The following DYNC1I1 variants were observed in gnomAD, a reference collection of about 807,000 sequenced individuals.
DYNC1I1 encodes the protein cytoplasmic dynein 1 intermediate chain 1.
Under a neutral mutation model 86.6 loss-of-function variants are expected in DYNC1I1, and 43 were observed. The ratio of observed to expected loss-of-function variants is 0.50; its 90% CI spans 0.39 to 0.64. DYNC1I1 has a LOEUF of 0.64. Among genes scored for constraint, DYNC1I1 ranks in the 30% least tolerant of loss-of-function variants. The pLI is 0.00. For missense variants in DYNC1I1, 604 were observed against 788.8 expected (o/e 0.77, Z 2.81); for synonymous variants, 262 against 283.7 (o/e 0.92, Z 0.77).
At chr7:95,871,981 C>T (rs960241998) in intron 6 of DYNC1I1, among the ~76,000 whole-genome samples, 4 of 152,214 alleles carry the variant, frequency 2.6e-5, no homozygotes, top group Admixed American at 2.6e-4. Context: ...GACAGAAAAA[C>T]CTTTCAATTT....
At chr7:95,961,746 T>C (rs886576492) in intron 6 of DYNC1I1, among the ~76,000 whole-genome samples, 2 of 152,260 alleles carry the variant, frequency 1.3e-5, no homozygotes, top group African/African-American at 2.4e-5. Context: ...GACTGCATTA[T>C]GGCCAGGGCT....
At chr7:95,923,552 A>G (rs754396584) in intron 6 of DYNC1I1, among the ~76,000 whole-genome samples, 36 of 152,122 alleles carry the variant, frequency 2.4e-4, no homozygotes, top group African/African-American at 5.8e-4. Flanking sequence ...GTAAGGTACT[A>G]TCCACACGCA....
chr7:95,913,904 C>T (rs1174539639), intron 6 of DYNC1I1, among the ~76,000 whole-genome samples: 1 of 152,218 alleles, frequency 6.6e-6, no homozygotes, highest in East Asian at 1.9e-4. Context: ...GCCCCATCCT[C>T]ATCCCAGGGC....
At chr7:95,925,458 A>G (rs1332559402) in intron 6 of DYNC1I1, among the ~76,000 whole-genome samples, 1 of 152,168 alleles carries the variant, frequency 6.6e-6, no homozygotes, top group Non-Finnish European at 1.5e-5. Context: ...ATGGACTAAT[A>G]CACATTATCC....
intron 16 of DYNC1I1, among the ~76,000 whole-genome samples, chr7:96,082,465 A>G (rs1238005472): frequency 6.6e-6 from 1 of 152,186 alleles, no homozygotes; most frequent in Non-Finnish European, 1.5e-5. Context: ...CTTTGCATAC[A>G]CATAACGTCC....
intron 6 of DYNC1I1, among the ~76,000 whole-genome samples, chr7:95,958,009 T>C (rs1050118093): frequency 6.6e-6 from 1 of 152,204 alleles, no homozygotes; most frequent in Non-Finnish European, 1.5e-5. Flanking sequence ...CTTGGCATTA[T>C]TGGTATTTTG....
intron 16 of DYNC1I1, among the ~76,000 whole-genome samples, chr7:96,091,745 A>C (rs1402493926): frequency 1.3e-5 from 2 of 152,208 alleles, no homozygotes; most frequent in East Asian, 3.8e-4. Context: ...CCATGTGATT[A>C]TAAAAAGGAA....
intron 12 of DYNC1I1, 80 bp downstream of exon 12, chr7:96,032,860 C>A: frequency 1.7e-6 from 2 of 1,180,050 alleles, no homozygotes; most frequent in Non-Finnish European, 1.2e-6. Context: ...TCCTAAAAGC[C>A]AAACCCTCAC....
chr7:95,955,956 G>T (rs1035900041), intron 6 of DYNC1I1, among the ~76,000 whole-genome samples: 23 of 152,150 alleles, frequency 1.5e-4, no homozygotes, highest in Non-Finnish European at 2.9e-5. Flanking sequence ...GAGTAACATG[G>T]TGTTTGTTTA....
chr7:95,920,090 G>C (rs1167292455), intron 6 of DYNC1I1, among the ~76,000 whole-genome samples: 1 of 152,162 alleles, frequency 6.6e-6, no homozygotes, highest in Non-Finnish European at 1.5e-5. Context: ...AGCACAATAT[G>C]GAAAGCGGGG....
chr7:95,949,263 G>T (rs1792488715), intron 6 of DYNC1I1, among the ~76,000 whole-genome samples: 1 of 152,232 alleles, frequency 6.6e-6, no homozygotes, highest in African/African-American at 2.4e-5. Flanking sequence ...TAGCTCTGGA[G>T]ATCCAGTTCA....
chr7:95,794,791 T>A (rs1794395096), intron 1 of DYNC1I1, among the ~76,000 whole-genome samples: 1 of 152,210 alleles, frequency 6.6e-6, no homozygotes, highest in Non-Finnish European at 1.5e-5. Flanking sequence ...CTTAAATACA[T>A]GTCACAAATT....
At chr7:95,813,112 A>G in intron 3 of DYNC1I1, 135 bp from the exon 4 acceptor site, 3 of 913,946 alleles carry the variant, frequency 3.3e-6, no homozygotes, top group South Asian at 2.7e-5. Context: ...TTTTTTCTTT[A>G]TCCCATCTCA....
rs142508279 is a variant in DYNC1I1, at chr7:95,773,154, C to T, written c.-10+381C>T. On this transcript the variant is annotated intron_variant, in intron 1 of 16. Coordinates refer to ENST00000447467, the MANE Select transcript of DYNC1I1 (RefSeq NM_001135556.2). ...TGCACCCCTCTGGGCCACCGGCTGA[C>T]TGCCCCTGGAGGAGGGGGAAAGCTG... is the stretch of plus-strand genomic sequence containing the variant. Among the ~76,000 whole-genome samples the T allele has an allele frequency of 6.3e-3, 963 of 152,336 alleles. 22 individuals carry two copies. The highest frequency in any genetic ancestry group is 0.018 in the East Asian group (94 of 5,160).
chr7:95,884,883 C>T (rs1790553122), intron 6 of DYNC1I1, among the ~76,000 whole-genome samples: 1 of 151,598 alleles, frequency 6.6e-6, no homozygotes. Context: ...TCAGTAAAAG[C>T]TAATCTACCT....
intron 5 of DYNC1I1, among the ~76,000 whole-genome samples, chr7:95,834,428 TTC>T (rs1438280506): frequency 1.8e-5 from 2 of 109,516 alleles, no homozygotes; most frequent in Non-Finnish European, 3.5e-5. Context: ...TGGTCTAAAA[TTC>T]TCTTTTTTGT....
At chr7:96,083,185 C>T (rs879034672) in intron 16 of DYNC1I1, among the ~76,000 whole-genome samples, 3 of 152,154 alleles carry the variant, frequency 2.0e-5, no homozygotes, top group Admixed American at 2.0e-4. Flanking sequence ...TAAGCTTATA[C>T]ACTTGAAGAG....
At chr7:95,900,560 T>C (rs974806681) in intron 6 of DYNC1I1, among the ~76,000 whole-genome samples, 8 of 152,086 alleles carry the variant, frequency 5.3e-5, no homozygotes, top group African/African-American at 1.9e-4. Flanking sequence ...AGATTTGGAG[T>C]TGGAAATCCA....
At position 95,805,536 on chromosome 7, in the gene DYNC1I1, A is replaced by G. The variant is rs192354815; in HGVS notation, c.108+699A>G. 1.8e-3 allele frequency among the ~76,000 whole-genome samples: 269 copies of G among 152,292 alleles called. 1 individual carries two copies. Among genetic ancestry groups the G allele is most frequent in the South Asian group, 5.2e-3 (25 of 4,830 alleles). ...TATGCCAACAAAGCAGCAGAGACCC[A>G]GAGGTGAAATGTAGCTTTTCTACTT... On this transcript the variant is annotated intron_variant, in intron 2 of 16. Coordinates refer to ENST00000447467, the MANE Select transcript of DYNC1I1 (RefSeq NM_001135556.2).
Sources: allele counts gnomAD v4.1 joint callset (sites outside exome capture counted in the v4.1 genomes callset), GRCh38; gene constraint gnomAD v4.1.1; transcripts MANE v1.5; gene names NCBI Gene and HGNC (gene_info 2026-07-23, HGNC 2026-07-21).